Variants in TAFA1 observed in about 807,000 individuals in gnomAD.
TAFA1 encodes TAFA chemokine like family member 1, also known as chemokine-like protein TAFA-1.
Under a neutral mutation model 18.5 loss-of-function variants are expected in TAFA1, and 4 were observed. The observed-to-expected ratio is 0.22, with a 90% CI of 0.11 to 0.49. The LOEUF is 0.49. Among genes scored for constraint, TAFA1 ranks in the 20% least tolerant of loss-of-function variants. TAFA1 has a pLI of 0.98. For synonymous variants in TAFA1, 56 were observed against 55.2 expected (o/e 1.01, Z -0.06); for missense variants, 147 against 169.0 (o/e 0.87, Z 0.72).
chr3:68,448,432 A>T (rs935998207), intron 3 of TAFA1, among the ~76,000 whole-genome samples: 2 of 152,200 alleles, frequency 1.3e-5, no homozygotes, highest in Non-Finnish European at 2.9e-5. Flanking sequence ...AAGAGCATAA[A>T]CAATGTTTCA....
intron 2 of TAFA1, among the ~76,000 whole-genome samples, chr3:68,032,898 C>T (rs1015101755): frequency 2.8e-4 from 42 of 152,260 alleles, no homozygotes; most frequent in African/African-American, 9.4e-4. Context: ...CAATTCTTTT[C>T]AGTACTTGCT....
At chr3:68,087,404 C>T (rs62245907) in intron 2 of TAFA1, among the ~76,000 whole-genome samples, 54,593 of 151,902 alleles carry the variant, frequency 0.36, 10,242 homozygotes, top group East Asian at 0.48. Flanking sequence ...AATGTTAATA[C>T]AAGTAATACA....
At chr3:68,153,151 C>A (rs2065827519) in intron 2 of TAFA1, among the ~76,000 whole-genome samples, 2 of 152,262 alleles carry the variant, frequency 1.3e-5, no homozygotes, top group South Asian at 4.1e-4. Context: ...CCCTAGGTGA[C>A]TATTGGTAGC....
intron 2 of TAFA1, among the ~76,000 whole-genome samples, chr3:68,220,604 A>C (rs1304495689): frequency 6.6e-6 from 1 of 152,030 alleles, no homozygotes; most frequent in Non-Finnish European, 1.5e-5. Context: ...GGAGTTTACT[A>C]TCTTATACAA....
At chr3:68,152,883 G>T (rs1188939436) in intron 2 of TAFA1, among the ~76,000 whole-genome samples, 1 of 152,056 alleles carries the variant, frequency 6.6e-6, no homozygotes, top group East Asian at 1.9e-4. Flanking sequence ...GAAATCAGCA[G>T]GGTGGCATGC....
chr3:68,381,553 A>G (rs1322153525), intron 2 of TAFA1, among the ~76,000 whole-genome samples: 1 of 152,182 alleles, frequency 6.6e-6, no homozygotes, highest in African/African-American at 2.4e-5. Flanking sequence ...GAGTTCACTC[A>G]TGATTTGGCT....
intron 2 of TAFA1, among the ~76,000 whole-genome samples, chr3:68,020,805 T>C (rs538688707): frequency 6.6e-5 from 10 of 152,164 alleles, no homozygotes; most frequent in Non-Finnish European, 1.2e-4. Flanking sequence ...TCTAAGTCAA[T>C]ATAAACAGGT....
At chr3:67,992,483 T>C in the TAFA1 span, among the ~76,000 whole-genome samples, 1 of 152,212 alleles carries the variant, frequency 6.6e-6, no homozygotes, top group African/African-American at 2.4e-5. Flanking sequence ...CATTATCTTA[T>C]TGTGCTTTAA....
chr3:68,269,608 C>T (rs529623874), intron 2 of TAFA1, among the ~76,000 whole-genome samples: 1 of 152,148 alleles, frequency 6.6e-6, no homozygotes, highest in Non-Finnish European at 1.5e-5. Context: ...ATGGTCCACA[C>T]ATTTCCAGTG....
intron 3 of TAFA1, among the ~76,000 whole-genome samples, chr3:68,431,158 G>T (rs1437511781): frequency 2.6e-5 from 4 of 151,882 alleles, no homozygotes; most frequent in African/African-American, 7.2e-5. Flanking sequence ...GAAATCTGGG[G>T]TAGTATAGTG....
At chr3:68,275,258 T>A (rs181165798) in intron 2 of TAFA1, among the ~76,000 whole-genome samples, 3 of 151,784 alleles carry the variant, frequency 2.0e-5, no homozygotes, top group Non-Finnish European at 4.4e-5. Context: ...ATGTAATAAG[T>A]AATGTTGGGG....
chr3:68,406,818 G>T (rs1312729598), intron 2 of TAFA1, among the ~76,000 whole-genome samples: 3 of 152,160 alleles, frequency 2.0e-5, no homozygotes, highest in Admixed American at 6.6e-5. Context: ...GAGAGTAAAC[G>T]TTCCACAATA....
intron 3 of TAFA1, among the ~76,000 whole-genome samples, chr3:68,504,427 G>A (rs1193562187): frequency 1.3e-5 from 2 of 152,134 alleles, no homozygotes; most frequent in African/African-American, 4.8e-5. Flanking sequence ...ATGCATTCCT[G>A]GAGCATCTTA....
chr3:68,194,861 C>T (rs932926498), intron 2 of TAFA1, among the ~76,000 whole-genome samples: 21 of 151,644 alleles, frequency 1.4e-4, no homozygotes, highest in African/African-American at 4.8e-4. Flanking sequence ...ACATAGAGAC[C>T]GGCATATAGG....
chr3:68,481,107 T>G (rs2072229695), intron 3 of TAFA1, among the ~76,000 whole-genome samples: 1 of 152,212 alleles, frequency 6.6e-6, no homozygotes, highest in African/African-American at 2.4e-5. Context: ...AGGTATGTCT[T>G]TATCAGCAGT....
intron 2 of TAFA1, among the ~76,000 whole-genome samples, chr3:68,325,857 G>T (rs1206460168): frequency 6.6e-6 from 1 of 152,176 alleles, no homozygotes; most frequent in Non-Finnish European, 1.5e-5. Context: ...GCTAGGATTT[G>T]AGAGAGGTTA....
chr3:68,355,433 T>C (rs867723769), intron 2 of TAFA1, among the ~76,000 whole-genome samples: 7 of 152,078 alleles, frequency 4.6e-5, no homozygotes, highest in Admixed American at 3.3e-4. Context: ...ATTGGGCTAA[T>C]AAATAGAACT....
At chr3:68,414,206 C>A (rs934031573) in intron 2 of TAFA1, among the ~76,000 whole-genome samples, 3 of 152,092 alleles carry the variant, frequency 2.0e-5, no homozygotes, top group African/African-American at 4.8e-5. Context: ...ACTTGGGAGG[C>A]TGAGGCAAGA....
upstream of TAFA1, among the ~76,000 whole-genome samples, chr3:68,002,052 T>C (rs1160808442): frequency 2.6e-5 from 4 of 152,186 alleles, no homozygotes; most frequent in Non-Finnish European, 5.9e-5. Context: ...GATCAGGAAG[T>C]GCAATCCTAC....
Sources: allele counts gnomAD v4.1 joint callset (sites outside exome capture counted in the v4.1 genomes callset), GRCh38; gene constraint gnomAD v4.1.1; transcripts MANE v1.5; gene names NCBI Gene and HGNC (gene_info 2026-07-23, HGNC 2026-07-21).